Variants in PREX2 observed in about 807,000 individuals in gnomAD.
The protein encoded by PREX2 is phosphatidylinositol-3,4,5-trisphosphate dependent Rac exchange factor 2.
PREX2 carries 107 observed loss-of-function variants against 203.2 expected under a neutral mutation model. That is an observed-to-expected ratio of 0.53 (90% CI 0.45 to 0.62). PREX2 has a LOEUF of 0.62. PREX2 is among the 20% of genes least tolerant of loss of function. The pLI is 0.00. For synonymous variants in PREX2, 672 were observed against 663.6 expected (o/e 1.01, Z -0.19); for missense variants, 1,777 against 1,955.9 (o/e 0.91, Z 1.72).
chr8:68,155,953 A>G (rs1454393838), intron 34 of PREX2, among the ~76,000 whole-genome samples: 1 of 152,234 alleles, frequency 6.6e-6, no homozygotes, highest in African/African-American at 2.4e-5. Context: ...TAAGATTTCA[A>G]TTTATACTTT....
chr8:68,201,409 T>C (rs1164188660), intron 37 of PREX2, among the ~76,000 whole-genome samples: 2 of 152,118 alleles, frequency 1.3e-5, no homozygotes, highest in East Asian at 1.9e-4. Context: ...CACGACTAGG[T>C]GAGGTCCCAC....
In PREX2 at chr8:68,069,554, C is replaced by T. The variant is rs1036592255; in HGVS notation, c.1444-281C>T. Among the ~76,000 whole-genome samples, 9 of 43,352 alleles carry T rather than the reference C, an allele frequency of 2.1e-4. No homozygotes were observed. The East Asian group carries it at 4.0e-3, about 19-fold the overall frequency. The allele number at this position is 43,352 out of a possible 152,430, so 28.4% of individuals were successfully genotyped here. A position where few individuals can be genotyped will look rare whatever the true frequency, so the allele number is the denominator to read the frequency against. On this transcript the variant is annotated intron_variant, in intron 12 of 39. Transcript: ENST00000288368. The stretch of plus-strand genomic sequence containing the variant: ...GTATTGGTATATTTTGTTTAATTTA[C>T]GTTAGAAATTTTATATTTTAAGAAA...
intron 1 of PREX2, among the ~76,000 whole-genome samples, chr8:67,998,603 G>GA (rs1037588237): frequency 6.6e-5 from 10 of 151,930 alleles, no homozygotes; most frequent in African/African-American, 1.9e-4. Flanking sequence ...AGTGTCTCTA[G>GA]AAAAAAAACA....
intron 35 of PREX2, among the ~76,000 whole-genome samples, chr8:68,159,313 T>A (rs1811607862): frequency 6.6e-6 from 1 of 152,232 alleles, no homozygotes; most frequent in African/African-American, 2.4e-5. Context: ...GTTGAACCAA[T>A]TTATTTGCAA....
At chr8:68,199,448 A>T (rs1054080311) in intron 37 of PREX2, among the ~76,000 whole-genome samples, 1 of 152,228 alleles carries the variant, frequency 6.6e-6, no homozygotes, top group Non-Finnish European at 1.5e-5. Flanking sequence ...ACTGGGGTTG[A>T]ATTACCAAGG....
At chr8:68,104,763 A>C (rs544563529) in intron 23 of PREX2, among the ~76,000 whole-genome samples, 1 of 152,200 alleles carries the variant, frequency 6.6e-6, no homozygotes, top group Non-Finnish European at 1.5e-5. Context: ...GTTCCCCAAC[A>C]TGCTGAGGGC....
At chr8:68,104,172 C>T (rs536490286) in intron 23 of PREX2, among the ~76,000 whole-genome samples, 1 of 152,286 alleles carries the variant, frequency 6.6e-6, no homozygotes, top group East Asian at 1.9e-4. Context: ...TGCAGCCTTT[C>T]CTCCCTACCT....
intron 15 of PREX2, among the ~76,000 whole-genome samples, chr8:68,079,362 C>A (rs1287802528): frequency 6.6e-6 from 1 of 152,140 alleles, no homozygotes; most frequent in African/African-American, 2.4e-5. Context: ...AAATAGCTAT[C>A]CCTTTTGACT....
chr8:68,103,019 T>G (rs757670905), intron 23 of PREX2: 10 of 491,472 alleles, frequency 2.0e-5, no homozygotes, highest in Admixed American at 2.1e-5. Context: ...TTCTTCTGCT[T>G]TAGAATAATT....
chr8:68,112,493 A>ATGGTGG (rs538888493), intron 25 of PREX2, among the ~76,000 whole-genome samples: 8 of 151,258 alleles, frequency 5.3e-5, no homozygotes, highest in South Asian at 4.2e-4. Flanking sequence ...ACAGATAGGA[A>ATGGTGG]TGGTGGTGGT....
At chr8:68,061,457 A>G (rs1808848559) in intron 11 of PREX2, among the ~76,000 whole-genome samples, 1 of 152,202 alleles carries the variant, frequency 6.6e-6, no homozygotes, top group South Asian at 2.1e-4. Context: ...GGAGAGGTTC[A>G]AGACTGCGAG....
chr8:68,086,660 G>C (rs906596164), intron 18 of PREX2, among the ~76,000 whole-genome samples: 15 of 151,990 alleles, frequency 9.9e-5, no homozygotes, highest in Admixed American at 9.9e-4. Flanking sequence ...TTCTTCAGTG[G>C]AGTATCTTAT....
At position 68,069,058 on chromosome 8, in the gene PREX2, A is replaced by G. The variant is rs779880018; in HGVS notation, c.1365A>G (p.Pro455=). Residue 455 remains proline (P), a synonymous_variant, in exon 12 of 40, where the codon CCA becomes CCG. Transcript: ENST00000288368. ...HHVTDKHQFK[P]EQMLYRFRYD... ...TTACTGATAAACATCAATTCAAACCAGAACAGATGTTATATAGATTTCGCT... is the reference window on the plus strand; with the variant it reads ...TTACTGATAAACATCAATTCAAACCGGAACAGATGTTATATAGATTTCGCT... 2 of 1,522,062 alleles carry G rather than the reference A, an allele frequency of 1.3e-6. No individual in the cohort carries two copies. Among genetic ancestry groups the G allele is most frequent in the East Asian group, 4.9e-5 (2 of 41,178 alleles). The allele number at this position is 1,522,062 out of a possible 1,614,324, so 94.3% of individuals were successfully genotyped here. A position where few individuals can be genotyped will look rare whatever the true frequency, so the allele number is the denominator to read the frequency against.
At chr8:68,198,930 G>A (rs377372174) in intron 37 of PREX2, among the ~76,000 whole-genome samples, 114 of 152,266 alleles carry the variant, frequency 7.5e-4, no homozygotes, top group African/African-American at 2.6e-3. Flanking sequence ...TTGAGTGCAG[G>A]CCTCATGCTC....
intron 37 of PREX2, among the ~76,000 whole-genome samples, chr8:68,202,063 G>A (rs1464763631): frequency 1.3e-5 from 2 of 151,622 alleles, no homozygotes; most frequent in Non-Finnish European, 1.5e-5. Flanking sequence ...CCACCACCCT[G>A]CCTATTTTTT....
At chr8:68,065,771 A>G (rs1808999890) in intron 11 of PREX2, among the ~76,000 whole-genome samples, 1 of 152,198 alleles carries the variant, frequency 6.6e-6, no homozygotes, top group African/African-American at 2.4e-5. Context: ...ATTTAAATAT[A>G]AACTCTTTGA....
At chr8:68,002,539 TCAGTGTACCC>T (rs1284034549) in intron 1 of PREX2, among the ~76,000 whole-genome samples, 2 of 152,228 alleles carry the variant, frequency 1.3e-5, no homozygotes, top group Non-Finnish European at 2.9e-5. Context: ...ATAGAAGCGT[TCAGTGTACCC>T]CTTGTAGTAT....
At chr8:68,026,060 A>G (rs989687851) in intron 4 of PREX2, among the ~76,000 whole-genome samples, 62 of 152,108 alleles carry the variant, frequency 4.1e-4, no homozygotes, top group African/African-American at 1.4e-3. Flanking sequence ...AATACCATAT[A>G]TAGTTTGAAA....
intron 35 of PREX2, among the ~76,000 whole-genome samples, chr8:68,158,206 C>T (rs899035296): frequency 1.3e-5 from 2 of 150,040 alleles, no homozygotes; most frequent in Admixed American, 1.3e-4. Flanking sequence ...TATGAATTAC[C>T]CTGTTGACAG....
Sources: allele counts gnomAD v4.1 joint callset (sites outside exome capture counted in the v4.1 genomes callset), GRCh38; gene constraint gnomAD v4.1.1; transcripts MANE v1.5; gene names NCBI Gene and HGNC (gene_info 2026-07-23, HGNC 2026-07-21).